Variants in CDK14 observed in about 807,000 individuals in gnomAD.
The protein encoded by CDK14 is cyclin dependent kinase 14.
CDK14 carries 34 observed loss-of-function variants against 60.7 expected under a neutral mutation model. That is an observed-to-expected ratio of 0.56 (90% CI 0.43 to 0.75). The LOEUF is 0.75. Ranked by LOEUF, CDK14 falls within the 30% of genes least tolerant of loss-of-function variation. CDK14 has a pLI of 0.00. For missense variants in CDK14, 482 were observed against 564.1 expected, an observed-to-expected ratio of 0.85 and a Z score of 1.47; for synonymous variants, 197 against 203.7, an observed-to-expected ratio of 0.97 and a Z score of 0.28.
chr7:90,951,422 G>C (rs1220077825), intron 8 of CDK14, among the ~76,000 whole-genome samples: 4 of 152,250 alleles, frequency 2.6e-5, no homozygotes, highest in African/African-American at 9.6e-5. Flanking sequence ...CCGTATTTTT[G>C]TTGACTCTGC....
chr7:90,737,407 G>A (rs1320496196), intron 3 of CDK14, among the ~76,000 whole-genome samples: 1 of 152,182 alleles, frequency 6.6e-6, no homozygotes, highest in Non-Finnish European at 1.5e-5. Context: ...GGAGATGTGG[G>A]AGGAGGGTGC....
At chr7:90,960,835 C>T (rs1283594027) in intron 9 of CDK14, among the ~76,000 whole-genome samples, 1 of 151,952 alleles carries the variant, frequency 6.6e-6, no homozygotes, top group African/African-American at 2.4e-5. Context: ...TACCATAGCC[C>T]CTACTTTGAA....
chr7:91,113,351 C>G (rs965141771), intron 13 of CDK14, among the ~76,000 whole-genome samples: 5 of 152,170 alleles, frequency 3.3e-5, no homozygotes, highest in Non-Finnish European at 5.9e-5. Context: ...AAAACACATT[C>G]CTGGGTGGGT....
chr7:91,084,254 A>ATGGG (rs1209329850), intron 12 of CDK14, among the ~76,000 whole-genome samples: 2 of 152,216 alleles, frequency 1.3e-5, no homozygotes, highest in African/African-American at 4.8e-5. Flanking sequence ...CGCCGCAGCC[A>ATGGG]TGGGTGGGGA....
At chr7:90,869,729 C>T (rs934874020) in intron 6 of CDK14, among the ~76,000 whole-genome samples, 28 of 152,166 alleles carry the variant, frequency 1.8e-4, no homozygotes, top group Admixed American at 6.5e-4. Context: ...ATTGTGTGGC[C>T]GACACACCTG....
At chr7:91,176,592 A>C (rs1193881010) in intron 14 of CDK14, among the ~76,000 whole-genome samples, 4 of 152,160 alleles carry the variant, frequency 2.6e-5, no homozygotes, top group Admixed American at 2.0e-4. Context: ...AGAGAGAAGA[A>C]TCAAATAGAC....
intron 4 of CDK14, among the ~76,000 whole-genome samples, chr7:90,784,011 A>G (rs1037544208): frequency 6.6e-6 from 1 of 152,180 alleles, no homozygotes; most frequent in Non-Finnish European, 1.5e-5. Context: ...TAGTCAAGGT[A>G]TGGAATCAGC....
At chr7:90,662,853 A>C (rs1322268619) in intron 2 of CDK14, among the ~76,000 whole-genome samples, 1 of 152,212 alleles carries the variant, frequency 6.6e-6, no homozygotes, top group African/African-American at 2.4e-5. Flanking sequence ...CTTTGGTACC[A>C]GATAAACATG....
At chr7:90,653,205 C>T (rs1041399172) in intron 2 of CDK14, among the ~76,000 whole-genome samples, 18 of 152,082 alleles carry the variant, frequency 1.2e-4, no homozygotes, top group African/African-American at 4.3e-4. Flanking sequence ...CCCAGCCCCA[C>T]TTAGGCTTCT....
intron 5 of CDK14, among the ~76,000 whole-genome samples, chr7:90,860,638 G>A (rs1790979554): frequency 6.7e-6 from 1 of 150,258 alleles, no homozygotes; most frequent in Admixed American, 6.7e-5. Flanking sequence ...TGATTCTCCT[G>A]CCTCAGCCTC....
rs73398991 is a variant in CDK14, at chr7:91,068,874, C to T, written c.1106-10558C>T. ...ATCTTAAAGGCCACAAACCCTTCTG[C>T]CTGTCTCTGTCTCAGCCTCCACCTC... On this transcript the variant is annotated intron_variant, in intron 11 of 14. Transcript: ENST00000380050. Among the ~76,000 whole-genome samples, 1,107 of 149,580 alleles carry T rather than the reference C, an allele frequency of 7.4e-3. 17 individuals are homozygous for T. The highest frequency in any genetic ancestry group is 0.026 in the African/African-American group (1,046 of 40,696).
At position 91,003,559 on chromosome 7, in the gene CDK14, T is replaced by C. The variant is rs60373762; in HGVS notation, c.1041+19318T>C. Among the ~76,000 whole-genome samples, 851 of 152,314 alleles carry C rather than the reference T, an allele frequency of 5.6e-3. 16 individuals are homozygous for C. The highest frequency in any genetic ancestry group is 0.019 in the African/African-American group (805 of 41,574). Reference sequence around the variant, plus strand: ...ATGAAGTCCTTCAGGTTCCTGGGTTTCTTTTATCTGGGGTCCCTCTCTCTC... The same window carrying C: ...ATGAAGTCCTTCAGGTTCCTGGGTTCCTTTTATCTGGGGTCCCTCTCTCTC... On this transcript the variant is annotated intron_variant, in intron 10 of 14. Coordinates refer to ENST00000380050, the MANE Select transcript of CDK14 (RefSeq NM_001287135.2).
chr7:90,755,952 G>A (rs756740), intron 4 of CDK14, among the ~76,000 whole-genome samples: 97,733 of 152,086 alleles, frequency 0.64, 31,852 homozygotes, highest in East Asian at 0.96. Context: ...TCACAATGCC[G>A]TATGAGGTGG....
At chr7:91,103,951 A>T (rs1799215651) in intron 12 of CDK14, among the ~76,000 whole-genome samples, 1 of 152,182 alleles carries the variant, frequency 6.6e-6, no homozygotes, top group South Asian at 2.1e-4. Context: ...TTTCAACTGT[A>T]TTAAAAGCAC....
intron 2 of CDK14, among the ~76,000 whole-genome samples, chr7:90,622,818 A>G (rs1799798778): frequency 6.6e-6 from 1 of 151,914 alleles, no homozygotes; most frequent in African/African-American, 2.4e-5. Flanking sequence ...GTATAAGGAA[A>G]TTCTTTCTTT....
At chr7:91,029,482 T>C (rs1305806100) in intron 10 of CDK14, among the ~76,000 whole-genome samples, 1 of 151,938 alleles carries the variant, frequency 6.6e-6, no homozygotes, top group Non-Finnish European at 1.5e-5. Flanking sequence ...TTGTATCATT[T>C]CTGTTTTTTT....
At chr7:90,758,824 G>C (rs1396197967) in intron 4 of CDK14, among the ~76,000 whole-genome samples, 2 of 152,224 alleles carry the variant, frequency 1.3e-5, no homozygotes, top group South Asian at 2.1e-4. Context: ...GCAAGGGCAA[G>C]GCGGGTGGAT....
chr7:90,725,020 G>A (rs1323482503), intron 2 of CDK14, among the ~76,000 whole-genome samples: 1 of 152,124 alleles, frequency 6.6e-6, no homozygotes, highest in Non-Finnish European at 1.5e-5. Flanking sequence ...TAAAAAGTAT[G>A]ATAATATTTT....
intron 2 of CDK14, among the ~76,000 whole-genome samples, chr7:90,609,471 T>C (rs1799492193): frequency 6.6e-6 from 1 of 152,142 alleles, no homozygotes; most frequent in Admixed American, 6.5e-5. Flanking sequence ...AACCATCCCC[T>C]TGGTGCTGTT....
Sources: gnomAD v4.1 joint callset for allele counts (sites outside exome capture counted in the v4.1 genomes callset) on GRCh38, gnomAD v4.1.1 for gene constraint, MANE v1.5 for transcripts, NCBI Gene and HGNC (gene_info 2026-07-23, HGNC 2026-07-21) for gene names.